SLA: variants seen among roughly 807,000 people sequenced by gnomAD.
The protein encoded by SLA is Src like adaptor.
In SLA, 16 loss-of-function variants were observed where a neutral mutation model predicts 30.3. The observed-to-expected ratio is 0.53, with a 90% CI of 0.36 to 0.80. The LOEUF (loss-of-function observed/expected upper bound fraction) is 0.80, where lower values mean the gene tolerates loss of function less well. Among genes scored for constraint, SLA ranks in the 30% least tolerant of loss-of-function variants. The probability of loss-of-function intolerance (pLI) is 0.01; values close to 1 mark genes in which losing one functional copy is unlikely to be tolerated. For missense variants in SLA, 310 were observed against 345.2 expected, an observed-to-expected ratio of 0.90 and a Z score of 0.81; for synonymous variants, 143 against 137.8, an observed-to-expected ratio of 1.04 and a Z score of -0.26.
chr8:133,069,293 T>A (rs1405748007), intron 2 of SLA, among the ~76,000 whole-genome samples: 2 of 152,240 alleles, frequency 1.3e-5, no homozygotes, highest in African/African-American at 2.4e-5. Flanking sequence ...CATAAACTTA[T>A]CAAGCAAGAT....
chr8:133,100,110 T>G (rs1849016987), intron 1 of SLA, among the ~76,000 whole-genome samples: 1 of 152,242 alleles, frequency 6.6e-6, no homozygotes, highest in African/African-American at 2.4e-5. Context: ...TGTTCCCTCT[T>G]GGCTCACTGG....
chr8:133,069,466 T>G (rs1232599867), intron 2 of SLA, among the ~76,000 whole-genome samples: 1 of 152,126 alleles, frequency 6.6e-6, no homozygotes, highest in Non-Finnish European at 1.5e-5. Flanking sequence ...GAGATCTCCA[T>G]GATGTTTTTA....
chr8:133,081,100 A>G (rs1407063466), intron 1 of SLA, among the ~76,000 whole-genome samples: 1 of 152,264 alleles, frequency 6.6e-6, no homozygotes, highest in Non-Finnish European at 1.5e-5. Flanking sequence ...ATGAGGGTCC[A>G]TACATAATAA....
At position 133,097,970 on chromosome 8, in the gene SLA, A is replaced by AG. The variant is rs530528952; in HGVS notation, c.-319+4582dup. 3.9e-5 allele frequency among the ~76,000 whole-genome samples: 6 copies of AG among 152,178 alleles called. No individual in the cohort carries two copies. In the East Asian group the frequency reaches 9.7e-4, roughly 24 times the overall value. On this transcript the variant is annotated intron_variant, in intron 1 of 8. Coordinates refer to ENST00000338087, the MANE Select transcript of SLA (RefSeq NM_001045556.3). Reference sequence around the variant, plus strand: ...TATGAGTGAGTGTGTGTGTGTTGCAAGGGGGGGTGTCAAGTAAAACTTAGT... The same window carrying AG: ...TATGAGTGAGTGTGTGTGTGTTGCAAGGGGGGGGTGTCAAGTAAAACTTAGT...
chr8:133,050,921 G>A lies in SLA; in HGVS notation c.62-6C>T. 6.3e-7 allele frequency: 1 copy of A among 1,595,010 alleles called. No individual in the cohort carries two copies. ...AAGGAAGTCGCTATCCAGTCCTGGG[G>A]AAACAAAGGCAAGGGGGAAGGGGGC... On this transcript the variant is annotated splice_polypyrimidine_tract_variant and splice_region_variant and intron_variant, in intron 3 of 8. Transcript: ENST00000338087.
chr8:133,071,800 C>T (rs553152115), intron 2 of SLA, among the ~76,000 whole-genome samples: 4 of 152,246 alleles, frequency 2.6e-5, no homozygotes, highest in African/African-American at 9.6e-5. Flanking sequence ...GCACATACCA[C>T]GATTTGTCCT....
chr8:133,045,347 TC>T (rs1371091612), intron 6 of SLA, among the ~76,000 whole-genome samples: 1 of 151,234 alleles, frequency 6.6e-6, no homozygotes, highest in African/African-American at 2.4e-5. Flanking sequence ...CATCACATGG[TC>T]CTTACAGGTT....
At chr8:133,077,114 C>T (rs1845011322) in intron 1 of SLA, among the ~76,000 whole-genome samples, 1 of 152,080 alleles carries the variant, frequency 6.6e-6, no homozygotes, top group African/African-American at 2.4e-5. Context: ...AGGCTGAGAA[C>T]TGTAGGAGGA....
rs371194857 is a variant in SLA, at chr8:133,047,981, C to A, written c.249-48G>T. The A allele has an allele frequency of 2.6e-6, 3 of 1,138,634 alleles. No individual in the cohort carries two copies. The East Asian group carries it at 7.0e-5, about 27-fold the overall frequency. The allele number at this position is 1,138,634 out of a possible 1,614,324, so 70.5% of individuals were successfully genotyped here. A position where few individuals can be genotyped will look rare whatever the true frequency, so the allele number is the denominator to read the frequency against. Reference sequence around the variant, plus strand: ...TTAGGATCCGGAACAAGCCCTCCCCCAGGAAAGGCAGGAATGCGCCACCCA... The same window carrying A: ...TTAGGATCCGGAACAAGCCCTCCCCAAGGAAAGGCAGGAATGCGCCACCCA... On this transcript the variant is annotated intron_variant, in intron 5 of 8. Transcript: ENST00000338087.
At chr8:133,058,753 C>A (rs1164782078) in intron 3 of SLA, among the ~76,000 whole-genome samples, 1 of 152,250 alleles carries the variant, frequency 6.6e-6, no homozygotes, top group East Asian at 1.9e-4. Context: ...AGATAGAGGG[C>A]TGCTGTCCTG....
chr8:133,065,866 A>G (rs1297028742), intron 2 of SLA, among the ~76,000 whole-genome samples: 2 of 152,198 alleles, frequency 1.3e-5, no homozygotes, highest in African/African-American at 2.4e-5. Context: ...CTTTAATACA[A>G]TGGAGGCCCT....
intron 2 of SLA, among the ~76,000 whole-genome samples, chr8:133,072,631 C>G (rs998962313): frequency 1.3e-5 from 2 of 152,184 alleles, no homozygotes; most frequent in Non-Finnish European, 2.9e-5. Flanking sequence ...CAAATAAAAA[C>G]ATAAAACCCA....
intron 3 of SLA, among the ~76,000 whole-genome samples, chr8:133,059,628 G>A (rs187795273): frequency 1.6e-4 from 25 of 152,108 alleles, no homozygotes; most frequent in Non-Finnish European, 2.9e-4. Context: ...AGATGTCACA[G>A]GATGGTGCCT....
At chr8:133,067,260 G>A (rs1843168807) in intron 2 of SLA, among the ~76,000 whole-genome samples, 1 of 152,080 alleles carries the variant, frequency 6.6e-6, no homozygotes. Context: ...CTCTCCTCTA[G>A]GGCAGGTGCA....
intron 1 of SLA, among the ~76,000 whole-genome samples, chr8:133,086,054 C>T (rs888591738): frequency 7.2e-5 from 11 of 152,202 alleles, no homozygotes; most frequent in African/African-American, 2.7e-4. Flanking sequence ...AAGATATACA[C>T]TACTAATACC....
At chr8:133,100,169 G>A (rs187386611) in intron 1 of SLA, among the ~76,000 whole-genome samples, 114 of 152,188 alleles carry the variant, frequency 7.5e-4, no homozygotes, top group African/African-American at 2.7e-3. Context: ...CCCATATCAG[G>A]GTCCTGGTAC....
rs922796950 is a variant in SLA, at chr8:133,037,343, G to A, written c.*1181C>T. On this transcript the variant is annotated 3_prime_UTR_variant, in exon 9 of 9. Transcript: ENST00000338087. ...ACTTGGACTCCCCATCTTTCCTGGA[G>A]CTGAGCATTTTTCCTCATATGGATG... The A allele has an allele frequency of 1.1e-4, 17 of 152,212 alleles. No homozygotes were observed. Among genetic ancestry groups the A allele is most frequent in the African/African-American group, 4.1e-4 (17 of 41,456 alleles). The allele number at this position is 152,212 out of a possible 1,614,324, so 9.4% of individuals were successfully genotyped here.
chr8:133,070,332 A>G (rs1026474671), intron 2 of SLA, among the ~76,000 whole-genome samples: 5 of 150,212 alleles, frequency 3.3e-5, no homozygotes, highest in African/African-American at 9.7e-5. Context: ...CTTTCTCCCA[A>G]CAAGCATCTG....
At chr8:133,078,292 T>C (rs903338651) in intron 1 of SLA, among the ~76,000 whole-genome samples, 2 of 152,154 alleles carry the variant, frequency 1.3e-5, no homozygotes, top group Admixed American at 6.5e-5. Flanking sequence ...CAGTTTGCTG[T>C]CAAGAACTGG....
Sources: allele counts gnomAD v4.1 joint callset (sites outside exome capture counted in the v4.1 genomes callset), GRCh38; gene constraint gnomAD v4.1.1; transcripts MANE v1.5; gene names NCBI Gene and HGNC (gene_info 2026-07-23, HGNC 2026-07-21).